TANGO6: variants seen among roughly 807,000 people sequenced by gnomAD.
TANGO6 encodes transport and golgi organization 6 homolog.
Under a neutral mutation model 114.2 loss-of-function variants are expected in TANGO6, and 90 were observed. The ratio of observed to expected loss-of-function variants is 0.79; its 90% confidence interval spans 0.66 to 0.94. The LOEUF (loss-of-function observed/expected upper bound fraction) is 0.94, where lower values mean the gene tolerates loss of function less well. Ranked by LOEUF, TANGO6 falls within the 40% of genes least tolerant of loss-of-function variation. The pLI, the probability that TANGO6 is intolerant of heterozygous loss-of-function variation, is 0.00. For missense variants in TANGO6, 1,274 were observed against 1,315.3 expected (o/e 0.97, Z 0.49); for synonymous variants, 477 against 509.8 (o/e 0.94, Z 0.87).
chr16:69,071,043 A>C (rs183415860), intron 17 of TANGO6, among the ~76,000 whole-genome samples: 106 of 152,248 alleles, frequency 7.0e-4, no homozygotes, highest in Non-Finnish European at 3.5e-4. Flanking sequence ...CCAAAGTGTG[A>C]TTACAGGTGT....
At chr16:69,069,024 T>C (rs1319876339) in intron 17 of TANGO6, among the ~76,000 whole-genome samples, 1 of 152,188 alleles carries the variant, frequency 6.6e-6, no homozygotes, top group Non-Finnish European at 1.5e-5. Flanking sequence ...GCCATGTTTT[T>C]GGATCTTTAG....
chr16:68,914,405 GC>G lies in TANGO6; in HGVS notation c.1993-4678del, dbSNP rs1962970750. 2.6e-5 allele frequency among the ~76,000 whole-genome samples: 4 copies of G among 152,112 alleles called. No homozygotes were observed. In the South Asian group the frequency reaches 8.3e-4, roughly 32 times the overall value. On this transcript the variant is annotated intron_variant, in intron 11 of 17. Transcript: ENST00000261778. The stretch of plus-strand genomic sequence containing the variant: ...TCAAACTCCCGACCTCAGGTGATCT[GC>G]CTGCCTTGGCCTCCCAAAGTGCTGG...
chr16:69,006,523 C>T (rs951007246), intron 15 of TANGO6, among the ~76,000 whole-genome samples: 1 of 151,910 alleles, frequency 6.6e-6, no homozygotes, highest in Non-Finnish European at 1.5e-5. Context: ...GAAAGTGGAT[C>T]ACCTGAGGTC....
intron 17 of TANGO6, among the ~76,000 whole-genome samples, chr16:69,066,259 C>T (rs529416433): frequency 4.6e-5 from 7 of 152,242 alleles, no homozygotes; most frequent in South Asian, 4.2e-4. Flanking sequence ...AGAGCTGTGC[C>T]TTTCCCCCTC....
chr16:69,063,838 A>C (rs1183698038), intron 17 of TANGO6, among the ~76,000 whole-genome samples: 2 of 140,856 alleles, frequency 1.4e-5, no homozygotes, highest in Non-Finnish European at 3.0e-5. Flanking sequence ...TATTATTATT[A>C]TTATTATATT....
chr16:69,047,626 G>T (rs562625656), intron 17 of TANGO6, among the ~76,000 whole-genome samples: 1 of 152,120 alleles, frequency 6.6e-6, no homozygotes, highest in Non-Finnish European at 1.5e-5. Flanking sequence ...CACAAATAAC[G>T]AGAATTGAAT....
intron 7 of TANGO6, among the ~76,000 whole-genome samples, chr16:68,889,693 AC>A (rs1283438587): frequency 2.0e-5 from 3 of 152,112 alleles, no homozygotes; most frequent in East Asian, 1.9e-4. Context: ...TTTGGTTCAG[AC>A]TCTCTGGTAT....
At chr16:68,902,049 CAAA>C (rs747586789) in intron 8 of TANGO6, among the ~76,000 whole-genome samples, 3 of 79,784 alleles carry the variant, frequency 3.8e-5, no homozygotes, top group Admixed American at 1.4e-4. Flanking sequence ...TTGGAATTAC[CAAA>C]AAAAAAAAAA....
At chr16:68,970,064 A>G (rs1963687348) in intron 14 of TANGO6, among the ~76,000 whole-genome samples, 1 of 152,048 alleles carries the variant, frequency 6.6e-6, no homozygotes, top group Admixed American at 6.6e-5. Flanking sequence ...CTGTTCCTGA[A>G]CCAGTCATGG....
chr16:68,964,992 T>A (rs1001200527), intron 14 of TANGO6, among the ~76,000 whole-genome samples: 9 of 152,212 alleles, frequency 5.9e-5, no homozygotes, highest in African/African-American at 2.2e-4. Flanking sequence ...CAGTGATGAT[T>A]TTGTACATAA....
chr16:69,059,612 C>T (rs569679841), intron 17 of TANGO6, among the ~76,000 whole-genome samples: 1 of 152,134 alleles, frequency 6.6e-6, no homozygotes, highest in South Asian at 2.1e-4. Flanking sequence ...CTCTGCCTCC[C>T]GGGTTCAAAT....
chr16:68,893,582 A>G (rs1382491791), intron 7 of TANGO6, among the ~76,000 whole-genome samples: 1 of 151,946 alleles, frequency 6.6e-6, no homozygotes, highest in Non-Finnish European at 1.5e-5. Flanking sequence ...CTAAAAATAC[A>G]AAAATTAGCC....
intron 14 of TANGO6, among the ~76,000 whole-genome samples, chr16:68,946,230 C>T (rs1194149767): frequency 2.7e-5 from 4 of 148,702 alleles, no homozygotes; most frequent in Non-Finnish European, 5.9e-5. Flanking sequence ...CTTGCTTTGT[C>T]GCCCAGGCTG....
At chr16:69,017,492 C>G (rs1241942897) in intron 15 of TANGO6, among the ~76,000 whole-genome samples, 1 of 152,114 alleles carries the variant, frequency 6.6e-6, no homozygotes, top group Non-Finnish European at 1.5e-5. Context: ...TTCCAAACTT[C>G]CTTCATTTTT....
At position 68,905,699 on chromosome 16, in the gene TANGO6, C is replaced by T. The variant is rs541592000; in HGVS notation, c.1668-1744C>T. Among the ~76,000 whole-genome samples, 148 of 151,906 alleles carry T rather than the reference C, an allele frequency of 9.7e-4. 3 individuals carry two copies. The highest frequency in any genetic ancestry group is 3.4e-3 in the African/African-American group (142 of 41,442). On this transcript the variant is annotated intron_variant, in intron 9 of 17. Transcript: ENST00000261778. Reference sequence around the variant, plus strand: ...CCAGCCTGGGCAATGTGGCAAAACCCGGTTTCTACAAAAAAATACAAAAAT... The same window carrying T: ...CCAGCCTGGGCAATGTGGCAAAACCTGGTTTCTACAAAAAAATACAAAAAT...
chr16:68,881,280 G>A (rs1200498567), intron 7 of TANGO6, among the ~76,000 whole-genome samples: 3 of 152,172 alleles, frequency 2.0e-5, no homozygotes, highest in African/African-American at 4.8e-5. Context: ...TTGAGAGGCC[G>A]AGGAGAGTGG....
intron 17 of TANGO6, among the ~76,000 whole-genome samples, chr16:69,070,833 G>A (rs1274046671): frequency 1.3e-5 from 2 of 150,642 alleles, no homozygotes; most frequent in African/African-American, 4.9e-5. Flanking sequence ...GAATGTAATG[G>A]GGTGGTCTTG....
At chr16:68,891,992 A>C (rs943830499) in intron 7 of TANGO6, among the ~76,000 whole-genome samples, 1 of 152,200 alleles carries the variant, frequency 6.6e-6, no homozygotes, top group South Asian at 2.1e-4. Context: ...AAGGAAATGC[A>C]TAGGGCATTG....
At chr16:68,916,544 T>C (rs1296046779) in intron 11 of TANGO6, among the ~76,000 whole-genome samples, 1 of 148,050 alleles carries the variant, frequency 6.8e-6, no homozygotes, top group Non-Finnish European at 1.5e-5. Context: ...GGATCACTAC[T>C]GTCAATCATT....
Sources: gnomAD v4.1 joint callset for allele counts (sites outside exome capture counted in the v4.1 genomes callset) on GRCh38, gnomAD v4.1.1 for gene constraint, MANE v1.5 for transcripts, NCBI Gene and HGNC (gene_info 2026-07-23, HGNC 2026-07-21) for gene names.